The following PAM variants were observed in gnomAD, a reference collection of about 807,000 sequenced individuals.
The protein encoded by PAM is peptidylglycine alpha-amidating monooxygenase.
A neutral mutation model predicts 122.1 loss-of-function variants in PAM; 72 were observed. The observed-to-expected ratio is 0.59, with a 90% CI of 0.49 to 0.72. PAM has a LOEUF of 0.72. Among genes scored for constraint, PAM ranks in the 30% least tolerant of loss-of-function variants. The pLI is 0.00. For synonymous variants in PAM, 389 were observed against 404.4 expected, an observed-to-expected ratio of 0.96 and a Z score of 0.46; for missense variants, 1,106 against 1,183.7, an observed-to-expected ratio of 0.93 and a Z score of 0.96.
intron 5 of PAM, among the ~76,000 whole-genome samples, chr5:102,921,470 C>A (rs928591929): frequency 3.9e-5 from 6 of 152,198 alleles, no homozygotes; most frequent in Middle Eastern, 3.4e-3. Context: ...TCAGTTCTCT[C>A]GCCCTTTTGT....
chr5:102,868,947 A>C (rs1385268461), intron 3 of PAM, among the ~76,000 whole-genome samples: 1 of 152,248 alleles, frequency 6.6e-6, no homozygotes, highest in African/African-American at 2.4e-5. Flanking sequence ...GTTCATTTTT[A>C]TAATCCTATA....
chr5:102,837,015 A>G (rs1206234516), intron 1 of PAM, among the ~76,000 whole-genome samples: 1 of 152,098 alleles, frequency 6.6e-6, no homozygotes, highest in Non-Finnish European at 1.5e-5. Flanking sequence ...TCTTTACAGT[A>G]GCCCACAGAT....
intron 1 of PAM, among the ~76,000 whole-genome samples, chr5:102,785,879 T>C (rs563285754): frequency 7.0e-6 from 1 of 143,222 alleles, no homozygotes; most frequent in South Asian, 2.2e-4. Context: ...AAATCATTCA[T>C]TCAAGTGGTT....
intron 1 of PAM, among the ~76,000 whole-genome samples, chr5:102,800,948 A>C (rs2150086307): frequency 6.6e-6 from 1 of 152,292 alleles, no homozygotes; most frequent in African/African-American, 2.4e-5. Flanking sequence ...GCTAGAATCC[A>C]GTTTTGAACC....
intron 1 of PAM, chr5:102,838,368 A>G (rs916442661): frequency 6.6e-6 from 1 of 152,130 alleles, no homozygotes; most frequent in Non-Finnish European, 1.5e-5. Context: ...GAAAATAGCC[A>G]CACTTGAAGT....
At chr5:102,881,129 T>TACACACACAC (rs34434423) in intron 3 of PAM, among the ~76,000 whole-genome samples, 1,480 of 145,784 alleles carry the variant, frequency 0.01, 18 homozygotes, top group Admixed American at 0.05. Context: ...TTTTTATACA[T>TACACACACAC]ACACACACAC....
chr5:102,803,766 A>C (rs1202356397), intron 1 of PAM, among the ~76,000 whole-genome samples: 1 of 152,226 alleles, frequency 6.6e-6, no homozygotes, highest in Admixed American at 6.5e-5. Context: ...TTGAATAAGT[A>C]TTTATTGAGG....
chr5:102,926,143 G>A (rs965611446), intron 6 of PAM, among the ~76,000 whole-genome samples: 3 of 151,756 alleles, frequency 2.0e-5, no homozygotes, highest in African/African-American at 4.8e-5. Flanking sequence ...GCCGGACTGC[G>A]GACTGCAGTG....
chr5:102,890,575 A>G (rs760826134), intron 3 of PAM, among the ~76,000 whole-genome samples: 2 of 151,892 alleles, frequency 1.3e-5, no homozygotes, highest in Non-Finnish European at 2.9e-5. Context: ...TGTAACACCT[A>G]CTCATGGTCA....
At chr5:103,003,620 G>C (rs1778066458) in intron 17 of PAM, among the ~76,000 whole-genome samples, 1 of 152,064 alleles carries the variant, frequency 6.6e-6, no homozygotes, top group East Asian at 1.9e-4. Context: ...TTTAGATTCT[G>C]TATAGAGTGG....
At chr5:102,958,360 T>C (rs1761442874) in intron 12 of PAM, among the ~76,000 whole-genome samples, 1 of 152,316 alleles carries the variant, frequency 6.6e-6, no homozygotes, top group Non-Finnish European at 1.5e-5. Context: ...CCTTTTTCCT[T>C]TTTGCTCAGT....
intron 17 of PAM, among the ~76,000 whole-genome samples, chr5:103,003,754 C>CA (rs1320716993): frequency 1.3e-5 from 2 of 151,872 alleles, no homozygotes; most frequent in Non-Finnish European, 2.9e-5. Flanking sequence ...TCTAATGATC[C>CA]AAAAAAATTC....
chr5:102,939,052 C>A (rs564856818), intron 7 of PAM, among the ~76,000 whole-genome samples: 2 of 151,900 alleles, frequency 1.3e-5, no homozygotes, highest in Non-Finnish European at 2.9e-5. Flanking sequence ...ACTTGTAAAA[C>A]GAAAAGGATA....
chr5:103,005,907 C>CTTGTTG lies in PAM; in HGVS notation c.1803+703_1803+708dup, dbSNP rs80026727. On this transcript the variant is annotated intron_variant, in intron 18 of 25. Coordinates refer to ENST00000438793, the MANE Select transcript of PAM (RefSeq NM_001177306.2). Reference sequence around the variant, plus strand: ...TTGCCTTTATTTCCTCTGTTCCTAACTTGTTGTTGTTGTTGTTGTTGTTGT... The same window carrying CTTGTTG: ...TTGCCTTTATTTCCTCTGTTCCTAACTTGTTGTTGTTGTTGTTGTTGTTGTTGTTGT... Among the ~76,000 whole-genome samples the CTTGTTG allele has an allele frequency of 4.7e-3, 708 of 150,908 alleles. 4 individuals carry two copies. Among genetic ancestry groups the CTTGTTG allele is most frequent in the East Asian group, 0.017 (88 of 5,060 alleles).
intron 5 of PAM, among the ~76,000 whole-genome samples, chr5:102,922,561 A>G (rs1561895911): frequency 6.6e-6 from 1 of 152,160 alleles, no homozygotes; most frequent in Non-Finnish European, 1.5e-5. Flanking sequence ...GAAGCATTTG[A>G]ACGATTTTGA....
intron 1 of PAM, among the ~76,000 whole-genome samples, chr5:102,795,420 G>A (rs563478917): frequency 9.2e-4 from 140 of 152,216 alleles, no homozygotes; most frequent in African/African-American, 2.9e-3. Flanking sequence ...TGGTGATGCC[G>A]TTTTTGGAGT....
At chr5:102,869,345 TAATAAAAC>T (rs1425677737) in intron 3 of PAM, among the ~76,000 whole-genome samples, 1 of 152,162 alleles carries the variant, frequency 6.6e-6, no homozygotes, top group Non-Finnish European at 1.5e-5. Flanking sequence ...GCCATGCCTA[TAATAAAAC>T]TAACACCATA....
chr5:102,818,724 TTA>T (rs1335219503), intron 1 of PAM, among the ~76,000 whole-genome samples: 16 of 152,200 alleles, frequency 1.1e-4, no homozygotes, highest in Non-Finnish European at 2.9e-5. Flanking sequence ...CAAGGTCTTG[TTA>T]TATGTGTGGC....
At chr5:102,902,051 C>G (rs1798104694) in intron 4 of PAM, among the ~76,000 whole-genome samples, 1 of 151,554 alleles carries the variant, frequency 6.6e-6, no homozygotes, top group South Asian at 2.1e-4. Flanking sequence ...TTAAACATCC[C>G]TTATGACAGA....
Sources: gnomAD v4.1 joint callset for allele counts (sites outside exome capture counted in the v4.1 genomes callset) on GRCh38, gnomAD v4.1.1 for gene constraint, MANE v1.5 for transcripts, NCBI Gene and HGNC (gene_info 2026-07-23, HGNC 2026-07-21) for gene names.